The following SNX29 variants were observed in gnomAD, a reference collection of about 807,000 sequenced individuals.
SNX29 encodes the protein sorting nexin 29, also known as sorting nexin-29.
SNX29 carries 78 observed loss-of-function variants against 102.1 expected under a neutral mutation model. The ratio of observed to expected loss-of-function variants is 0.76; its 90% CI spans 0.64 to 0.92. The LOEUF (loss-of-function observed/expected upper bound fraction) is 0.92. SNX29 is among the 40% of genes least tolerant of loss of function. The pLI, the probability that SNX29 is intolerant of heterozygous loss-of-function variation, is 0.00. For synonymous variants in SNX29, 580 were observed against 414.5 expected, an observed-to-expected ratio of 1.40 and a Z score of -4.85; for missense variants, 1,280 against 1,061.7, an observed-to-expected ratio of 1.21 and a Z score of -2.86.
In SNX29 at chr16:12,355,369, T is replaced by G. The variant is rs75487270; in HGVS notation, c.1783-794T>G. ...TCTGTAGCTCATGTAAAGTACTTAC[T>G]GCAAATGGCCTGGTATTGTTTTCGC... On this transcript the variant is annotated intron_variant, in intron 15 of 20. Coordinates refer to ENST00000566228, the MANE Select transcript of SNX29 (RefSeq NM_032167.5). 5.6e-4 allele frequency among the ~76,000 whole-genome samples: 85 copies of G among 152,314 alleles called. 1 individual carries two copies. In the East Asian group the frequency reaches 0.012, roughly 21 times the overall value.
At chr16:12,551,424 G>A (rs2077969044) in intron 20 of SNX29, among the ~76,000 whole-genome samples, 1 of 152,174 alleles carries the variant, frequency 6.6e-6, no homozygotes. Context: ...GCCACAGCTT[G>A]CACATTCGAT....
At chr16:12,343,292 T>C (rs1028632843) in intron 15 of SNX29, among the ~76,000 whole-genome samples, 4 of 152,242 alleles carry the variant, frequency 2.6e-5, no homozygotes, top group Non-Finnish European at 4.4e-5. Flanking sequence ...GGTGAAATGT[T>C]TTCCAGAAAA....
intron 20 of SNX29, among the ~76,000 whole-genome samples, chr16:12,537,907 C>T (rs2077147773): frequency 1.3e-5 from 2 of 151,308 alleles, no homozygotes; most frequent in East Asian, 1.9e-4. Flanking sequence ...GTCACTGGAA[C>T]CCAGGAGGCA....
chr16:12,249,498 G>A (rs1448464022), intron 14 of SNX29, among the ~76,000 whole-genome samples: 4 of 152,218 alleles, frequency 2.6e-5, no homozygotes, highest in South Asian at 2.1e-4. Context: ...CTGCACAAGC[G>A]TGTGGATCCC....
intron 18 of SNX29, among the ~76,000 whole-genome samples, chr16:12,469,347 C>T (rs2087226775): frequency 6.6e-6 from 1 of 152,168 alleles, no homozygotes; most frequent in Admixed American, 6.5e-5. Flanking sequence ...TAGTTAATAA[C>T]ACATGAAGCC....
At chr16:12,145,129 T>C (rs566740897) in intron 13 of SNX29, among the ~76,000 whole-genome samples, 1 of 152,022 alleles carries the variant, frequency 6.6e-6, no homozygotes, top group South Asian at 2.1e-4. Flanking sequence ...GATTAAGATA[T>C]ACACAAGTGG....
intron 14 of SNX29, among the ~76,000 whole-genome samples, chr16:12,255,550 C>T (rs1298724508): frequency 2.6e-5 from 4 of 152,078 alleles, no homozygotes; most frequent in East Asian, 1.9e-4. Flanking sequence ...TCCCCTGCCC[C>T]GACCCCAACC....
chr16:12,335,120 T>G (rs1196789203), intron 15 of SNX29, among the ~76,000 whole-genome samples: 4 of 151,920 alleles, frequency 2.6e-5, no homozygotes, highest in Non-Finnish European at 5.9e-5. Context: ...TTAGCAGCAC[T>G]TCCCAGAGTG....
chr16:12,076,443 CAT>C lies in SNX29; in HGVS notation c.1320-2389_1320-2388del, dbSNP rs560207474. ...AGCCTCCCAAGTACCTGGGATTACA[CAT>C]GTCCACCACCATGCCCGGCTAATTT... On this transcript the variant is annotated intron_variant, in intron 10 of 20. Transcript: ENST00000566228. Among the ~76,000 whole-genome samples the C allele has an allele frequency of 1.7e-4, 26 of 152,156 alleles. No individual in the cohort carries two copies. In the East Asian group the frequency reaches 5.0e-3, roughly 30 times the overall value.
chr16:12,565,589 C>T (rs1436893210), intron 20 of SNX29, among the ~76,000 whole-genome samples: 3 of 152,230 alleles, frequency 2.0e-5, no homozygotes, highest in South Asian at 2.1e-4. Flanking sequence ...TCAACCACAG[C>T]AGCCTACACT....
intron 20 of SNX29, among the ~76,000 whole-genome samples, chr16:12,565,593 C>T (rs974409109): frequency 3.3e-5 from 5 of 152,202 alleles, no homozygotes; most frequent in Admixed American, 2.0e-4. Context: ...CCACAGCAGC[C>T]TACACTCACT....
At chr16:12,475,416 C>T (rs1257777599) in intron 18 of SNX29, among the ~76,000 whole-genome samples, 1 of 152,130 alleles carries the variant, frequency 6.6e-6, no homozygotes, top group Admixed American at 6.6e-5. Flanking sequence ...TTGTAAAGGC[C>T]AGAAAAAATA....
chr16:12,361,427 A>T (rs2082296533), intron 16 of SNX29, among the ~76,000 whole-genome samples: 1 of 152,222 alleles, frequency 6.6e-6, no homozygotes, highest in Non-Finnish European at 1.5e-5. Flanking sequence ...AACCCGATTA[A>T]CCTGTACAAA....
rs1187789457 is a variant in SNX29, at chr16:12,001,661, GATA to G, written c.70-1325_70-1323del. 3.3e-5 allele frequency among the ~76,000 whole-genome samples: 5 copies of G among 151,968 alleles called. No individual in the cohort carries two copies. In the East Asian group the frequency reaches 9.6e-4, roughly 29 times the overall value. On this transcript the variant is annotated intron_variant, in intron 2 of 20. Transcript: ENST00000566228. ...CACACACACACATTGTAGTAGTTTT[GATA>G]ATAAGTTTAGGAACCCTGCAAGCGT...
chr16:12,125,179 A>G lies in SNX29; in HGVS notation c.1403-1454A>G, dbSNP rs548470010. 9.2e-5 allele frequency among the ~76,000 whole-genome samples: 14 copies of G among 152,290 alleles called. No homozygotes were observed. The East Asian group carries it at 1.2e-3, about 13-fold the overall frequency. ...CCCAAAAAGAGTCACAAAACAGCCA[A>G]TGAGGCAGCGAAAGTGAATGTGTGT... On this transcript the variant is annotated intron_variant, in intron 11 of 20. Transcript: ENST00000566228.
intron 8 of SNX29, among the ~76,000 whole-genome samples, chr16:12,055,081 A>G (rs1342174471): frequency 6.6e-6 from 1 of 152,086 alleles, no homozygotes; most frequent in African/African-American, 2.4e-5. Flanking sequence ...GGCTTTCTAG[A>G]GAAACAGAAC....
Position 12,531,346 on chromosome 16 carries a change from G to A in SNX29, c.2318+6505G>A, listed in dbSNP as rs1027212732. On this transcript the variant is annotated intron_variant, in intron 20 of 20. Coordinates refer to ENST00000566228, the MANE Select transcript of SNX29 (RefSeq NM_032167.5). ...GTGTGAACTCAGGGCTGTGCTTTCC[G>A]AAGAGCACGCCAGGACTGGGTATAG... is the stretch of plus-strand genomic sequence containing the variant. Among the ~76,000 whole-genome samples, 7 of 152,354 alleles carry A rather than the reference G, an allele frequency of 4.6e-5. No individual in the cohort carries two copies. The East Asian group carries it at 5.8e-4, about 13-fold the overall frequency.
chr16:12,020,921 G>A (rs1450627059), intron 3 of SNX29, among the ~76,000 whole-genome samples: 2 of 152,106 alleles, frequency 1.3e-5, no homozygotes, highest in Non-Finnish European at 2.9e-5. Context: ...ACTGAGCCCA[G>A]CCTCATGGCC....
Position 12,051,964 on chromosome 16 carries a change from G to C in SNX29, c.866G>C (p.Gly289Ala), listed in dbSNP as rs776443822. The C allele has an allele frequency of 6.2e-7, 1 of 1,613,900 alleles. No homozygotes were observed. ...GTGTTTAAAAAGACACCTGGGGCAG[G>C]GGAGAGCTCAGAGGACAACTCCGAC... ...GDVFKKTPGA[G>A]ESSEDNSDRS... Residue 289 changes from glycine to alanine, a missense_variant, in exon 8 of 21, where the codon GGG becomes GCG. Coordinates refer to ENST00000566228, the MANE Select transcript of SNX29 (RefSeq NM_032167.5).
Sources: gnomAD v4.1 joint callset for allele counts (sites outside exome capture counted in the v4.1 genomes callset) on GRCh38, gnomAD v4.1.1 for gene constraint, MANE v1.5 for transcripts, NCBI Gene and HGNC (gene_info 2026-07-23, HGNC 2026-07-21) for gene names.